SORCS3: variants seen among roughly 807,000 people sequenced by gnomAD.
The protein encoded by SORCS3 is sortilin related VPS10 domain containing receptor 3.
SORCS3 carries 57 observed loss-of-function variants against 146.3 expected under a neutral mutation model. The observed-to-expected ratio is 0.39, with a 90% CI of 0.31 to 0.49. The LOEUF is 0.49. Among genes scored for constraint, SORCS3 ranks in the 20% least tolerant of loss-of-function variants. The pLI, the probability that SORCS3 is intolerant of heterozygous loss-of-function variation, is 0.92. For missense variants in SORCS3, 1,341 were observed against 1,575.5 expected, an observed-to-expected ratio of 0.85 and a Z score of 2.52; for synonymous variants, 653 against 618.5, an observed-to-expected ratio of 1.06 and a Z score of -0.83.
chr10:104,747,317 C>T (rs2016922465), intron 1 of SORCS3, among the ~76,000 whole-genome samples: 1 of 152,200 alleles, frequency 6.6e-6, no homozygotes, highest in African/African-American at 2.4e-5. Flanking sequence ...TAATCAGTCA[C>T]ATTAAGGAGT....
chr10:104,915,759 C>T (rs936669354), intron 2 of SORCS3, 74 bp from the exon 3 acceptor site: 4 of 1,283,168 alleles, frequency 3.1e-6, no homozygotes, highest in African/African-American at 1.5e-5. Flanking sequence ...CGAGGGAGAA[C>T]CTGGCTTCCC....
intron 9 of SORCS3, among the ~76,000 whole-genome samples, chr10:105,148,162 G>A (rs993866669): frequency 3.9e-5 from 6 of 152,014 alleles, no homozygotes; most frequent in Admixed American, 3.9e-4. Context: ...GACCCTGAAT[G>A]GAGGGAGTGG....
intron 3 of SORCS3, among the ~76,000 whole-genome samples, chr10:104,957,250 T>A (rs2019504501): frequency 1.3e-5 from 2 of 152,198 alleles, no homozygotes; most frequent in African/African-American, 2.4e-5. Flanking sequence ...AATGATTCGA[T>A]CTTAAAAACC....
chr10:105,102,660 G>C (rs2055793239), intron 6 of SORCS3, among the ~76,000 whole-genome samples: 1 of 151,894 alleles, frequency 6.6e-6, no homozygotes, highest in Admixed American at 6.6e-5. Context: ...GTGCATCCTG[G>C]ATCTAAAATA....
chr10:105,116,355 G>A (rs879266121), intron 7 of SORCS3, among the ~76,000 whole-genome samples: 7 of 152,150 alleles, frequency 4.6e-5, no homozygotes, highest in Middle Eastern at 3.2e-3. Context: ...CTATTCTGGT[G>A]CAGATACAAG....
intron 2 of SORCS3, among the ~76,000 whole-genome samples, chr10:104,900,210 A>G (rs1041513161): frequency 1.3e-5 from 2 of 152,174 alleles, no homozygotes; most frequent in African/African-American, 2.4e-5. Context: ...TGCTACAGAG[A>G]TGCTGGCTCT....
intron 20 of SORCS3, among the ~76,000 whole-genome samples, chr10:105,235,832 T>A (rs543230467): frequency 6.6e-6 from 1 of 152,208 alleles, no homozygotes; most frequent in Non-Finnish European, 1.5e-5. Flanking sequence ...TGTCCTAAGA[T>A]GTAATTGACT....
At chr10:104,740,931 G>A (rs956266982) in intron 1 of SORCS3, among the ~76,000 whole-genome samples, 19 of 151,726 alleles carry the variant, frequency 1.3e-4, no homozygotes, top group African/African-American at 4.6e-4. Context: ...GTTTTAAAGA[G>A]TAAATTAAGG....
At position 105,255,118 on chromosome 10, in the gene SORCS3, G is replaced by C. The variant is rs189100898; in HGVS notation, c.3238-584G>C. Reference sequence around the variant, plus strand: ...CAGGAGAATGGCGTGAACCCGGGGGGGCGGAGCCTGCGGTGAGCCGAGATC... The same window carrying C: ...CAGGAGAATGGCGTGAACCCGGGGGCGCGGAGCCTGCGGTGAGCCGAGATC... On this transcript the variant is annotated intron_variant, in intron 23 of 26. Transcript: ENST00000369701. 7.6e-4 allele frequency among the ~76,000 whole-genome samples: 115 copies of C among 151,322 alleles called. 1 individual carries two copies. The East Asian group carries it at 0.016, about 21-fold the overall frequency.
At chr10:104,675,670 T>C (rs1240612194) in intron 1 of SORCS3, among the ~76,000 whole-genome samples, 4 of 152,226 alleles carry the variant, frequency 2.6e-5, no homozygotes, top group African/African-American at 9.6e-5. Context: ...ATCAGGCGTC[T>C]TACTTGTGTG....
At chr10:104,798,646 C>T (rs1201004881) in intron 1 of SORCS3, among the ~76,000 whole-genome samples, 1 of 152,136 alleles carries the variant, frequency 6.6e-6, no homozygotes, top group Non-Finnish European at 1.5e-5. Context: ...TATCCACTCA[C>T]CATATAATCT....
At chr10:105,173,771 C>T (rs190564229) in intron 13 of SORCS3, among the ~76,000 whole-genome samples, 5 of 152,330 alleles carry the variant, frequency 3.3e-5, no homozygotes, top group Non-Finnish European at 7.4e-5. Flanking sequence ...TAAGCTACAG[C>T]CACTGACCAT....
At chr10:104,905,573 C>T (rs2018896635) in intron 2 of SORCS3, among the ~76,000 whole-genome samples, 1 of 152,202 alleles carries the variant, frequency 6.6e-6, no homozygotes, top group Non-Finnish European at 1.5e-5. Flanking sequence ...CATTATTCAG[C>T]ATGATTTAGG....
chr10:105,210,114 A>G (rs921337656), intron 16 of SORCS3, among the ~76,000 whole-genome samples: 1 of 152,100 alleles, frequency 6.6e-6, no homozygotes, highest in African/African-American at 2.4e-5. Flanking sequence ...CCTGTTGTAG[A>G]TATACACACA....
In SORCS3 at chr10:104,693,104, T is replaced by A. The variant is rs553934366; in HGVS notation, c.627+51150T>A. 2.0e-5 allele frequency among the ~76,000 whole-genome samples: 3 copies of A among 152,342 alleles called. No individual in the cohort carries two copies. The East Asian group carries it at 5.8e-4, about 29-fold the overall frequency. On this transcript the variant is annotated intron_variant, in intron 1 of 26. Coordinates refer to ENST00000369701, the MANE Select transcript of SORCS3 (RefSeq NM_014978.3). ...TCAGGGATTGCAATTCTTAGGGGATTCACAAATAGTTTTAATAGCAGTAAG... is the reference window on the plus strand; with the variant it reads ...TCAGGGATTGCAATTCTTAGGGGATACACAAATAGTTTTAATAGCAGTAAG...
intron 3 of SORCS3, among the ~76,000 whole-genome samples, chr10:104,928,922 C>T (rs1268368311): frequency 6.6e-6 from 1 of 152,204 alleles, no homozygotes; most frequent in Non-Finnish European, 1.5e-5. Context: ...ATGGCTTGGG[C>T]TGTCTTATGA....
chr10:105,260,968 A>G (rs575579386), intron 25 of SORCS3, among the ~76,000 whole-genome samples: 2 of 152,228 alleles, frequency 1.3e-5, no homozygotes, highest in Admixed American at 6.5e-5. Context: ...CAAATATAGT[A>G]TAGTAAAGTA....
chr10:104,954,394 T>C (rs1281282394), intron 3 of SORCS3, among the ~76,000 whole-genome samples: 1 of 152,162 alleles, frequency 6.6e-6, no homozygotes, highest in Non-Finnish European at 1.5e-5. Flanking sequence ...TTGAAGGGTA[T>C]TAAAAAGCCA....
At chr10:104,864,864 T>C (rs76021081) in intron 2 of SORCS3, among the ~76,000 whole-genome samples, 6,333 of 152,202 alleles carry the variant, frequency 0.042, 415 homozygotes, top group African/African-American at 0.14. Flanking sequence ...GTCTGAAATA[T>C]TCTCATTCTT....
Sources: allele counts gnomAD v4.1 joint callset (sites outside exome capture counted in the v4.1 genomes callset), GRCh38; gene constraint gnomAD v4.1.1; transcripts MANE v1.5; gene names NCBI Gene and HGNC (gene_info 2026-07-23, HGNC 2026-07-21).